THADA: variants seen among roughly 807,000 people sequenced by gnomAD.
THADA encodes tRNA (32-2'-O)-methyltransferase regulator THADA.
THADA carries 213 observed loss-of-function variants against 219.8 expected under a neutral mutation model. The observed-to-expected ratio is 0.97, with a 90% CI of 0.87 to 1.09. The LOEUF is 1.09. Ranked by LOEUF, THADA falls within the 50% of genes least tolerant of loss-of-function variation. The probability of loss-of-function intolerance (pLI) is 0.00; values close to 1 mark genes in which losing one functional copy is unlikely to be tolerated. For missense variants in THADA, 2,956 were observed against 2,311.3 expected (o/e 1.28, Z -5.72); for synonymous variants, 1,018 against 828.9 (o/e 1.23, Z -3.92).
chr2:43,428,304 C>A, intron 27 of THADA, 73 bp from the exon 28 acceptor site: 1 of 1,426,530 alleles, frequency 7.0e-7, no homozygotes, highest in South Asian at 1.2e-5. Flanking sequence ...AAACATTTTT[C>A]TCATGAAATA....
At position 43,422,584 on chromosome 2, in the gene THADA, C is replaced by A. The variant is rs182367820; in HGVS notation, c.4058+5516G>T. Among the ~76,000 whole-genome samples, 103 of 152,246 alleles carry A rather than the reference C, an allele frequency of 6.8e-4. No individual in the cohort carries two copies. The East Asian group carries it at 0.013, about 20-fold the overall frequency. The stretch of plus-strand genomic sequence containing the variant: ...ATCTCATTCACCAAGATATTTTTTC[C>A]CCCACAAAAACTGCTATGAAGCCAG... On this transcript the variant is annotated intron_variant, in intron 28 of 37. Transcript: ENST00000405975.
At chr2:43,301,547 G>A (rs1009468771) in intron 31 of THADA, among the ~76,000 whole-genome samples, 5 of 152,232 alleles carry the variant, frequency 3.3e-5, no homozygotes, top group African/African-American at 1.2e-4. Flanking sequence ...CAGAGTGAGA[G>A]GGTCTCTAGG....
intron 15 of THADA, chr2:43,562,832 T>C (rs934241067): frequency 6.6e-6 from 1 of 152,240 alleles, no homozygotes; most frequent in East Asian, 1.9e-4. Flanking sequence ...GTCCATTTCA[T>C]GTAGGTTATC....
chr2:43,379,395 T>C (rs1036783108), intron 29 of THADA, among the ~76,000 whole-genome samples: 3 of 152,074 alleles, frequency 2.0e-5, no homozygotes, highest in African/African-American at 4.8e-5. Context: ...TGTGAAATAA[T>C]AGAACCAAAA....
intron 30 of THADA, among the ~76,000 whole-genome samples, chr2:43,333,432 T>C (rs1347831104): frequency 6.6e-6 from 1 of 150,620 alleles, no homozygotes; most frequent in African/African-American, 2.4e-5. Context: ...AATCTAGGAA[T>C]TGAAAAGCAG....
chr2:43,444,476 A>T (rs191069645), intron 26 of THADA, among the ~76,000 whole-genome samples: 1 of 152,338 alleles, frequency 6.6e-6, no homozygotes, highest in East Asian at 1.9e-4. Context: ...TGGTAATGCC[A>T]AGGGTCTAGT....
At position 43,243,591 on chromosome 2, in the gene THADA, C is replaced by G. The variant is rs76291193; in HGVS notation, c.5297-10709G>C. 2.9e-3 allele frequency among the ~76,000 whole-genome samples: 447 copies of G among 152,212 alleles called. 3 individuals are homozygous for G. The highest frequency in any genetic ancestry group is 0.01 in the African/African-American group (431 of 41,520). On this transcript the variant is annotated intron_variant, in intron 36 of 37. Transcript: ENST00000405975. ...CACCTCCTTTGTTCTGAAAGGCATC[C>G]CCTAGTTCACCCTTCCTCACCAGCT... is the stretch of plus-strand genomic sequence containing the variant.
At chr2:43,314,961 T>C (rs1677913675) in intron 31 of THADA, among the ~76,000 whole-genome samples, 1 of 152,232 alleles carries the variant, frequency 6.6e-6, no homozygotes, top group South Asian at 2.1e-4. Flanking sequence ...ATCATTATCT[T>C]AAGCTTTTCT....
chr2:43,235,418 C>G (rs1667924436), intron 36 of THADA, among the ~76,000 whole-genome samples: 1 of 151,988 alleles, frequency 6.6e-6, no homozygotes, highest in Non-Finnish European at 1.5e-5. Flanking sequence ...CTCAGCCTCC[C>G]AAGTAGCTGG....
chr2:43,589,287 C>T (rs2104168365), intron 4 of THADA, among the ~76,000 whole-genome samples: 1 of 152,108 alleles, frequency 6.6e-6, no homozygotes, highest in South Asian at 2.1e-4. Context: ...GAATATTAAG[C>T]CTTATAAGAG....
intron 25 of THADA, among the ~76,000 whole-genome samples, chr2:43,494,390 G>A (rs745790927): frequency 6.6e-6 from 1 of 152,058 alleles, no homozygotes; most frequent in African/African-American, 2.4e-5. Flanking sequence ...GTTAGGACCC[G>A]GGCTTTACTT....
chr2:43,590,706 G>C (rs931516590), intron 4 of THADA, 118 bp downstream of exon 4: 66 of 890,952 alleles, frequency 7.4e-5, no homozygotes, highest in Non-Finnish European at 1.0e-4. Context: ...CAAACCATAT[G>C]AATGAACTTT....
intron 31 of THADA, among the ~76,000 whole-genome samples, chr2:43,296,617 C>G (rs1370779478): frequency 1.3e-5 from 2 of 152,156 alleles, no homozygotes; most frequent in African/African-American, 2.4e-5. Flanking sequence ...CCCTGGGCAG[C>G]TGGGATCTTC....
chr2:43,485,330 T>C lies in THADA; in HGVS notation c.3745-5A>G. 2 of 1,605,020 alleles carry C rather than the reference T, an allele frequency of 1.2e-6. No individual in the cohort carries two copies. Among genetic ancestry groups the C allele is most frequent in the Non-Finnish European group, 8.5e-7 (1 of 1,172,928 alleles). On this transcript the variant is annotated splice_region_variant and splice_polypyrimidine_tract_variant and intron_variant, in intron 25 of 37. Transcript: ENST00000405975. ...AAGTGTGGATGAATTTCGCACCTAA[T>C]GTACAAACGAAAACACAATAAGGCT... is the stretch of plus-strand genomic sequence containing the variant.
At chr2:43,573,601 T>G (rs1199763761) in intron 11 of THADA, among the ~76,000 whole-genome samples, 6 of 152,246 alleles carry the variant, frequency 3.9e-5, no homozygotes, top group African/African-American at 1.4e-4. Flanking sequence ...AATAATGGCT[T>G]ATTTTTGCAT....
intron 22 of THADA, among the ~76,000 whole-genome samples, chr2:43,509,584 G>C (rs962828653): frequency 1.3e-5 from 2 of 152,106 alleles, no homozygotes; most frequent in African/African-American, 4.8e-5. Flanking sequence ...AAGAAAAGTT[G>C]CAGAAAGATA....
chr2:43,498,185 CCA>C (rs1463310467), intron 25 of THADA, among the ~76,000 whole-genome samples: 2 of 151,724 alleles, frequency 1.3e-5, no homozygotes, highest in Non-Finnish European at 2.9e-5. Flanking sequence ...CCAGGCAAAT[CCA>C]CAGAGACAGA....
chr2:43,540,455 C>T (rs1201340482), intron 21 of THADA, among the ~76,000 whole-genome samples: 1 of 152,130 alleles, frequency 6.6e-6, no homozygotes, highest in Non-Finnish European at 1.5e-5. Context: ...TGAATTGTAA[C>T]ACCCTAGGGA....
intron 29 of THADA, among the ~76,000 whole-genome samples, chr2:43,358,560 TA>T (rs1389007754): frequency 6.6e-6 from 1 of 152,228 alleles, no homozygotes; most frequent in Admixed American, 6.5e-5. Context: ...AAAAGAAATG[TA>T]AAGTTATATT....
Sources: gnomAD v4.1 joint callset for allele counts (sites outside exome capture counted in the v4.1 genomes callset) on GRCh38, gnomAD v4.1.1 for gene constraint, MANE v1.5 for transcripts, NCBI Gene and HGNC (gene_info 2026-07-23, HGNC 2026-07-21) for gene names.